The following DOCK5 variants were observed in gnomAD, a reference collection of about 807,000 sequenced individuals.
DOCK5 encodes dedicator of cytokinesis 5.
DOCK5 carries 142 observed loss-of-function variants against 251.8 expected under a neutral mutation model. The observed-to-expected ratio is 0.56, with a 90% CI of 0.49 to 0.65. The LOEUF is 0.65. DOCK5 is among the 30% of genes least tolerant of loss of function. The pLI, the probability that DOCK5 is intolerant of heterozygous loss-of-function variation, is 0.00. For missense variants in DOCK5, 2,111 were observed against 2,312.3 expected, an observed-to-expected ratio of 0.91 and a Z score of 1.79; for synonymous variants, 842 against 835.5, an observed-to-expected ratio of 1.01 and a Z score of -0.13.
intron 11 of DOCK5, among the ~76,000 whole-genome samples, chr8:25,305,939 AT>A (rs1406362904): frequency 1.6e-4 from 25 of 152,166 alleles, no homozygotes; most frequent in African/African-American, 5.8e-4. Context: ...TATACAAAAA[AT>A]ATGTATTATA....
chr8:25,380,390 T>G lies in DOCK5; in HGVS notation c.4022T>G (p.Leu1341Arg). Residue 1341 changes from leucine to arginine, a missense_variant, in exon 39 of 52, where the codon CTC becomes CGC. Around this residue, in one of 3 missense-constraint regions of DOCK5, gnomAD observed 1,717 missense variants for 1,892.4 expected, o/e 0.91. Transcript: ENST00000276440. The part of the protein sequence containing the change: ...KVFDYEGLGN[L>R]LKKRASFYEN... ...TTTGACTACGAGGGCCTTGGCAACCTCCTGGTGAGTCTGGGTCAAAATATG... is the reference window on the plus strand; with the variant it reads ...TTTGACTACGAGGGCCTTGGCAACCGCCTGGTGAGTCTGGGTCAAAATATG... 1 of 1,606,824 alleles carries G rather than the reference T, an allele frequency of 6.2e-7. No individual in the cohort carries two copies. Among genetic ancestry groups the G allele is most frequent in the Non-Finnish European group, 8.5e-7 (1 of 1,176,332 alleles).
intron 38 of DOCK5, 70 bp from the exon 39 acceptor site, chr8:25,380,235 A>C: frequency 7.1e-7 from 1 of 1,409,996 alleles, no homozygotes; most frequent in Non-Finnish European, 9.8e-7. Context: ...GTGACTCGCC[A>C]GTGGCTTTTG....
intron 1 of DOCK5, among the ~76,000 whole-genome samples, chr8:25,197,795 G>C (rs1340223802): frequency 7.2e-6 from 1 of 138,746 alleles, no homozygotes; most frequent in East Asian, 2.1e-4. Context: ...CTGTCACCCA[G>C]GCTGGAGTGC....
intron 7 of DOCK5, among the ~76,000 whole-genome samples, chr8:25,298,249 A>G (rs17053333): frequency 0.036 from 5,411 of 152,170 alleles, 339 homozygotes; most frequent in African/African-American, 0.12. Flanking sequence ...TCTGAATCCA[A>G]TGGCAAACCA....
At chr8:25,300,396 C>T (rs754286493) in intron 8 of DOCK5, among the ~76,000 whole-genome samples, 180 bp from the exon 9 acceptor site, 14 of 152,154 alleles carry the variant, frequency 9.2e-5, no homozygotes, top group Non-Finnish European at 1.9e-4. Context: ...TGCCAGGACA[C>T]CCAGCAGTGG....
At position 25,295,613 on chromosome 8, in the gene DOCK5, CTTAAG is replaced by C. The variant is rs144141025; in HGVS notation, c.471-894_471-890del. On this transcript the variant is annotated intron_variant, in intron 6 of 51. Transcript: ENST00000276440. ...CTTCACTCGTCTCCTTTATGACCAT[CTTAAG>C]TTAAGGAAATCAAGGCAAGCCCTCA... Among the ~76,000 whole-genome samples, 37 of 152,228 alleles carry C rather than the reference CTTAAG, an allele frequency of 2.4e-4. No homozygotes were observed. In the East Asian group the frequency reaches 5.0e-3, roughly 21 times the overall value.
chr8:25,257,072 A>G (rs1803439587), intron 2 of DOCK5, among the ~76,000 whole-genome samples: 1 of 152,152 alleles, frequency 6.6e-6, no homozygotes, highest in African/African-American at 2.4e-5. Context: ...TAATTTAAGT[A>G]GTTGAGAGAG....
chr8:25,208,845 T>C (rs1379526328), intron 1 of DOCK5, among the ~76,000 whole-genome samples: 2 of 152,212 alleles, frequency 1.3e-5, no homozygotes, highest in Admixed American at 6.5e-5. Flanking sequence ...GGTTAAAATA[T>C]GCCCATGACC....
chr8:25,289,813 G>A (rs74522688), intron 5 of DOCK5, among the ~76,000 whole-genome samples: 11,003 of 152,064 alleles, frequency 0.072, 662 homozygotes, highest in East Asian at 0.29. Context: ...TTGCACTCTA[G>A]CCTGGGCAAC....
Position 25,411,405 on chromosome 8 carries a change from C to T in DOCK5, c.*107C>T. 7.6e-7 allele frequency: 1 copy of T among 1,314,744 alleles called. No individual in the cohort carries two copies. The highest frequency in any genetic ancestry group is 9.8e-7 in the Non-Finnish European group (1 of 1,023,192). 81.4% of individuals were successfully genotyped at this position (1,314,744 alleles called of 1,614,324 possible). A position where few individuals can be genotyped will look rare whatever the true frequency, so the allele number is the denominator to read the frequency against. Reference sequence around the variant, plus strand: ...TGGGGCTCCCTGCTGACTGCATTTCCTGATCTGGGATGATGTTTACCAGCC... The same window carrying T: ...TGGGGCTCCCTGCTGACTGCATTTCTTGATCTGGGATGATGTTTACCAGCC... On this transcript the variant is annotated 3_prime_UTR_variant, in exon 52 of 52. Transcript: ENST00000276440.
intron 14 of DOCK5, among the ~76,000 whole-genome samples, chr8:25,317,998 A>G (rs991455880): frequency 1.6e-4 from 25 of 152,326 alleles, no homozygotes; most frequent in African/African-American, 6.0e-4. Flanking sequence ...TTAGTGGCAG[A>G]GCTGGGAGGG....
At chr8:25,271,866 A>C (rs549668580) in intron 3 of DOCK5, among the ~76,000 whole-genome samples, 1 of 152,200 alleles carries the variant, frequency 6.6e-6, no homozygotes, top group Non-Finnish European at 1.5e-5. Context: ...GTCATTCTAT[A>C]AGCATCAGAT....
rs746068436 is a variant in DOCK5, at chr8:25,351,892, G to A, written c.2850+66G>A. 2.7e-5 allele frequency: 36 copies of A among 1,329,898 alleles called. No individual in the cohort carries two copies. In the East Asian group the frequency reaches 2.9e-4, roughly 11 times the overall value. 82.4% of individuals were successfully genotyped at this position (1,329,898 alleles called of 1,614,324 possible). On this transcript the variant is annotated intron_variant, in intron 27 of 51. Coordinates refer to ENST00000276440, the MANE Select transcript of DOCK5 (RefSeq NM_024940.8). ...CTCTGTCCCCTTTGCCTATCGGGAG[G>A]CCTTCGGGGCCAGTGGCTTGAGACT... is the stretch of plus-strand genomic sequence containing the variant.
intron 13 of DOCK5, among the ~76,000 whole-genome samples, chr8:25,315,962 T>C (rs1805238559): frequency 6.6e-6 from 1 of 152,236 alleles, no homozygotes; most frequent in Middle Eastern, 3.2e-3. Context: ...ATAGTGCAGG[T>C]GTTGGAATCA....
chr8:25,390,112 G>C, intron 41 of DOCK5, 94 bp from the exon 42 acceptor site: 1 of 1,024,306 alleles, frequency 9.8e-7, no homozygotes, highest in Admixed American at 2.6e-5. Context: ...GGTGCTGGTG[G>C]CATTTCCGGC....
chr8:25,292,651 T>A (rs190513392), intron 6 of DOCK5, among the ~76,000 whole-genome samples: 1 of 152,206 alleles, frequency 6.6e-6, no homozygotes, highest in East Asian at 1.9e-4. Context: ...CTCGGGAGGA[T>A]CACTTGAACC....
At chr8:25,289,680 CA>C (rs1804437171) in intron 5 of DOCK5, among the ~76,000 whole-genome samples, 1 of 150,918 alleles carries the variant, frequency 6.6e-6, no homozygotes, top group Non-Finnish European at 1.5e-5. Context: ...CCATCTCTAC[CA>C]AAAATACAAA....
Position 25,323,835 on chromosome 8 carries a change from T to C in DOCK5, c.1616-13T>C, listed in dbSNP as rs1563202003. The C allele has an allele frequency of 3.1e-6, 5 of 1,610,974 alleles. No homozygotes were observed. Among genetic ancestry groups the C allele is most frequent in the Non-Finnish European group, 4.2e-6 (5 of 1,178,636 alleles). On this transcript the variant is annotated splice_polypyrimidine_tract_variant and intron_variant, in intron 16 of 51. Coordinates refer to ENST00000276440, the MANE Select transcript of DOCK5 (RefSeq NM_024940.8). Reference sequence around the variant, plus strand: ...TCTCTGCACTGCTCAGACATGTCTTTCTGCCTTTTCAGCCAGAGATAAATC... The same window carrying C: ...TCTCTGCACTGCTCAGACATGTCTTCCTGCCTTTTCAGCCAGAGATAAATC...
intron 1 of DOCK5, among the ~76,000 whole-genome samples, chr8:25,207,927 A>G (rs1802042599): frequency 6.6e-6 from 1 of 152,252 alleles, no homozygotes; most frequent in South Asian, 2.1e-4. Flanking sequence ...CCTTCTGGAA[A>G]GGATTCCCCA....
Sources: gnomAD v4.1 joint callset for allele counts (sites outside exome capture counted in the v4.1 genomes callset) on GRCh38, gnomAD v4.1.1 for gene constraint, gnomAD v4.1.1 regional missense constraint, MANE v1.5 for transcripts, NCBI Gene and HGNC (gene_info 2026-07-23, HGNC 2026-07-21) for gene names.